ACAN: variants seen among roughly 807,000 people sequenced by gnomAD.
The protein encoded by ACAN is aggrecan.
In ACAN, 47 loss-of-function variants were observed where a neutral mutation model predicts 169.1. The observed-to-expected ratio is 0.28, with a 90% confidence interval of 0.22 to 0.35. The LOEUF is 0.35. Among genes scored for constraint, ACAN ranks in the 10% least tolerant of loss-of-function variants. The pLI, the probability that ACAN is intolerant of heterozygous loss-of-function variation, is 1.00. For synonymous variants in ACAN, 1,115 were observed against 1,112.2 expected (o/e 1.00, Z -0.05); for missense variants, 2,716 against 2,759.9 (o/e 0.98, Z 0.36).
Position 88,822,783 on chromosome 15 carries a change from C to T in ACAN, c.-7-13417C>T, listed in dbSNP as rs112784585. On this transcript the variant is annotated intron_variant, in intron 1 of 18. Transcript: ENST00000560601. ...TGAGGTCCTTCCCAGACCCTGGAAT[C>T]AGGGGTTGCAATTAGGGTCCAAATA... is the stretch of plus-strand genomic sequence containing the variant. Among the ~76,000 whole-genome samples the T allele has an allele frequency of 2.4e-3, 362 of 152,286 alleles. 2 individuals are homozygous for T. The highest frequency in any genetic ancestry group is 8.5e-3 in the African/African-American group (352 of 41,546).
At chr15:88,853,989 C>T (rs1416971602) in intron 11 of ACAN, among the ~76,000 whole-genome samples, 1 of 152,058 alleles carries the variant, frequency 6.6e-6, no homozygotes, top group African/African-American at 2.4e-5. Flanking sequence ...GAAGTAGGCC[C>T]CAAAGTACAT....
chr15:88,841,019 C>T (rs1351279939), intron 4 of ACAN, among the ~76,000 whole-genome samples: 1 of 152,178 alleles, frequency 6.6e-6, no homozygotes, highest in Non-Finnish European at 1.5e-5. Context: ...GTGGTGGGCT[C>T]CTGTAGTCCC....
Position 88,866,935 on chromosome 15 carries a change from G to A in ACAN, c.6947-1281G>A, listed in dbSNP as rs937292156. 6.6e-6 allele frequency among the ~76,000 whole-genome samples: 1 copy of A among 152,214 alleles called. No individual in the cohort carries two copies. Among genetic ancestry groups the A allele is most frequent in the Non-Finnish European group, 1.5e-5 (1 of 68,040 alleles). ...GGATCTGGAAGGCTGTGTGAACACA[G>A]CTGCACATACTGAGGCTCAGTATCT... On this transcript the variant is annotated intron_variant, in intron 13 of 18. Transcript: ENST00000560601. This position sits in a 1 kb window ranked among gnomAD's most constrained non-coding sequence, Gnocchi z 5.6.
chr15:88,841,966 A>G, intron 5 of ACAN, 99 bp downstream of exon 5: 2 of 1,506,910 alleles, frequency 1.3e-6, no homozygotes, highest in Non-Finnish European at 1.8e-6. Flanking sequence ...ACAGGCTGCC[A>G]GCTCAGGGCC....
intron 6 of ACAN, among the ~76,000 whole-genome samples, chr15:88,845,260 G>A (rs149311515): frequency 6.6e-6 from 1 of 152,304 alleles, no homozygotes; most frequent in East Asian, 1.9e-4. Flanking sequence ...TCAGCTCATT[G>A]GTCAATATCT....
chr15:88,860,380 C>T lies in ACAN; in HGVS notation c.6887C>T (p.Thr2296Ile), dbSNP rs531788785. The change falls in exon 13 of 19, where the codon ACA becomes ATA. Residue 2296 changes from threonine to isoleucine, a missense_variant. By Grantham distance (89) the Thr-to-Ile change is moderately conservative. Transcript: ENST00000560601. ...EPCGAGTCKETEGHVICLCPP... is the reference protein window; with the variant it reads ...EPCGAGTCKEIEGHVICLCPP... The stretch of plus-strand genomic sequence containing the variant: ...TGTGGAGCTGGGACCTGCAAGGAGA[C>T]AGAGGGACACGTCATATGCCTGTGC... 12 of 1,613,638 alleles carry T rather than the reference C, an allele frequency of 7.4e-6. No homozygotes were observed. In the Admixed American group the frequency reaches 1.5e-4, roughly 20 times the overall value.
In ACAN at chr15:88,818,427, T is replaced by A. The variant is rs566132929; in HGVS notation, c.-8+14618T>A. Among the ~76,000 whole-genome samples the A allele has an allele frequency of 4.4e-4, 67 of 152,318 alleles. No homozygotes were observed. In the South Asian group the frequency reaches 0.014, roughly 32 times the overall value. ...TAGTGAGAAATTCCGCAGGTTCTCC[T>A]CCTGGTAGGTGTGTGTCCTCAGTGA... On this transcript the variant is annotated intron_variant, in intron 1 of 18. Coordinates refer to ENST00000560601, the MANE Select transcript of ACAN (RefSeq NM_001369268.1).
At position 88,838,024 on chromosome 15, in the gene ACAN, G is replaced by A. The variant is rs914424841; in HGVS notation, c.71-639G>A. 2.6e-5 allele frequency among the ~76,000 whole-genome samples: 4 copies of A among 151,050 alleles called. No individual in the cohort carries two copies. The highest frequency in any genetic ancestry group is 4.4e-5 in the Non-Finnish European group (3 of 67,880). On this transcript the variant is annotated intron_variant, in intron 2 of 18. Coordinates refer to ENST00000560601, the MANE Select transcript of ACAN (RefSeq NM_001369268.1). This position sits in a 1 kb window ranked among gnomAD's most constrained non-coding sequence, Gnocchi z 5.1. The stretch of plus-strand genomic sequence containing the variant: ...ACTCTCCATTATATTAACATGTTTG[G>A]AGTCTGATCCTATCCCATCGCCTCT...
chr15:88,870,162 AC>A lies in ACAN; in HGVS notation c.7061-1215del, dbSNP rs1897348311. 6.6e-6 allele frequency among the ~76,000 whole-genome samples: 1 copy of A among 151,352 alleles called. No homozygotes were observed. Among genetic ancestry groups the A allele is most frequent in the African/African-American group, 2.4e-5 (1 of 41,140 alleles). Reference sequence around the variant, plus strand: ...TCTGTTCTTTCTTCTCAAGCTGCTGACCCCCTGTTCTGCTCTCCCTCCACTG... The same window carrying A: ...TCTGTTCTTTCTTCTCAAGCTGCTGACCCCTGTTCTGCTCTCCCTCCACTG... On this transcript the variant is annotated intron_variant, in intron 14 of 18. Coordinates refer to ENST00000560601, the MANE Select transcript of ACAN (RefSeq NM_001369268.1). The surrounding 1 kb of genome is among the most constrained non-coding windows in gnomAD (Gnocchi z 6.3).
chr15:88,837,407 A>G (rs1896531767), intron 2 of ACAN, among the ~76,000 whole-genome samples: 2 of 152,230 alleles, frequency 1.3e-5, no homozygotes, highest in Admixed American at 1.3e-4. Context: ...AAGATAGGAC[A>G]TAGAACTTAA....
At chr15:88,819,960 C>T (rs1002897910) in intron 1 of ACAN, among the ~76,000 whole-genome samples, 1 of 152,056 alleles carries the variant, frequency 6.6e-6, no homozygotes, top group Non-Finnish European at 1.5e-5. Flanking sequence ...AATTCTGGCT[C>T]TACCACTCAC....
intron 1 of ACAN, among the ~76,000 whole-genome samples, chr15:88,804,868 G>A (rs933747105): frequency 6.6e-6 from 1 of 152,200 alleles, no homozygotes; most frequent in African/African-American, 2.4e-5. Context: ...GCTGCCAGGA[G>A]GAAAATACAA....
At position 88,874,485 on chromosome 15, in the gene ACAN, G is replaced by T. The variant is rs1267114359; in HGVS notation, c.*4G>T. 8 of 1,596,062 alleles carry T rather than the reference G, an allele frequency of 5.0e-6. No homozygotes were observed. The highest frequency in any genetic ancestry group is 6.8e-6 in the Non-Finnish European group (8 of 1,171,770). On this transcript the variant is annotated 3_prime_UTR_variant, in exon 19 of 19. Coordinates refer to ENST00000560601, the MANE Select transcript of ACAN (RefSeq NM_001369268.1). This position sits in a 1 kb window ranked among gnomAD's most constrained non-coding sequence, Gnocchi z 7.3. ...CCGCCCCAGCACAGCCCACTGAGAA[G>T]AGCTTCCAGGACGCACCCAGGACGC...
chr15:88,859,391 A>G lies in ACAN; in HGVS notation c.6806A>G (p.Lys2269Arg). 1 of 1,563,476 alleles carries G rather than the reference A, an allele frequency of 6.4e-7. No homozygotes were observed. ...DASIPASPEW[K>R]RESESTAAAP... is the part of the protein sequence containing the mutation. ...TCCATCCCAGCTTCTCCGGAATGGAAACGTGAATCAGAATCAACTGCTGCA... is the reference window on the plus strand; with the variant it reads ...TCCATCCCAGCTTCTCCGGAATGGAGACGTGAATCAGAATCAACTGCTGCA... Residue 2269 changes from lysine to arginine, a missense_variant, in exon 12 of 19, where the codon AAA (lysine) becomes AGA (arginine). By Grantham distance (26) the Lys-to-Arg change is conservative. Transcript: ENST00000560601.
chr15:88,851,058 C>G lies in ACAN; in HGVS notation c.2027-736C>G, dbSNP rs1350996646. On this transcript the variant is annotated intron_variant, in intron 10 of 18. Transcript: ENST00000560601. The surrounding 1 kb of genome is among the most constrained non-coding windows in gnomAD (Gnocchi z 4.3). ...AGTGCCCCTTCCCTGCTCTGGGAAG[C>G]AGAAACCAAGCCAGTTAACCTCCCA... 1 of 152,176 alleles carries G rather than the reference C, an allele frequency of 6.6e-6. No individual in the cohort carries two copies. The highest frequency in any genetic ancestry group is 1.9e-4 in the East Asian group (1 of 5,194). 9.4% of individuals were successfully genotyped at this position (152,176 alleles called of 1,614,324 possible).
Position 88,874,290 on chromosome 15 carries a change from C to T in ACAN, c.7631-115C>T. On this transcript the variant is annotated intron_variant, in intron 18 of 18. Coordinates refer to ENST00000560601, the MANE Select transcript of ACAN (RefSeq NM_001369268.1). This position sits in a 1 kb window ranked among gnomAD's most constrained non-coding sequence, Gnocchi z 7.3. ...CAAATCAGGAAAGCCGATAAAGCCTCAGGCGCCTGAGTCCTGGTTTCCACA... is the reference window on the plus strand; with the variant it reads ...CAAATCAGGAAAGCCGATAAAGCCTTAGGCGCCTGAGTCCTGGTTTCCACA... The T allele has an allele frequency of 8.7e-7, 1 of 1,149,958 alleles. No individual in the cohort carries two copies. Among genetic ancestry groups the T allele is most frequent in the South Asian group, 1.3e-5 (1 of 74,946 alleles). 71.2% of individuals were successfully genotyped at this position (1,149,958 alleles called of 1,614,324 possible).
chr15:88,833,902 A>G (rs545469263), intron 1 of ACAN, among the ~76,000 whole-genome samples: 4 of 152,050 alleles, frequency 2.6e-5, no homozygotes, highest in South Asian at 2.1e-4. Flanking sequence ...CAACCTCCCA[A>G]TGAAGGGTGT....
chr15:88,855,307 G>A lies in ACAN; in HGVS notation c.2722G>A (p.Val908Met), dbSNP rs1897027002. ...GGACTCCAGTGGTCTTACTTCCACA[G>A]TGGGCTCAGGCCTGCCTGTGGAAAG... Reference protein sequence around the residue: ...DLDSSGLTSTVGSGLPVESGL... With the variant: ...DLDSSGLTSTMGSGLPVESGL... The change falls in exon 12 of 19, where the codon GTG (valine) becomes ATG (methionine). Residue 908 changes from valine to methionine, a missense_variant. Around this residue, in one of 3 missense-constraint regions of ACAN, gnomAD observed 1,283 missense variants for 1,281.5 expected, o/e 1.00. Transcript: ENST00000560601. 1.9e-6 allele frequency: 3 copies of A among 1,611,790 alleles called. No homozygotes were observed. The highest frequency in any genetic ancestry group is 4.5e-5 in the East Asian group (2 of 44,802).
At position 88,838,683 on chromosome 15, in the gene ACAN, G is replaced by A. The variant is rs1041254006; in HGVS notation, c.91G>A (p.Val31Ile). ...ETSDHDNSLS[V>I]SIPQPSPLRV... ...CACAGACCATGACAACTCGCTGAGTGTCAGCATCCCCCAACCGTCCCCGCT... is the reference window on the plus strand; with the variant it reads ...CACAGACCATGACAACTCGCTGAGTATCAGCATCCCCCAACCGTCCCCGCT... The change falls in exon 3 of 19, where the codon GTC becomes ATC. Residue 31 changes from valine to isoleucine, a missense_variant. This residue lies in a region of ACAN where 1,283 missense variants were observed against 1,281.5 expected (regional missense o/e 1.00). Coordinates refer to ENST00000560601, the MANE Select transcript of ACAN (RefSeq NM_001369268.1). This position sits in a 1 kb window ranked among gnomAD's most constrained non-coding sequence, Gnocchi z 5.1. 3 of 1,590,764 alleles carry A rather than the reference G, an allele frequency of 1.9e-6. No homozygotes were observed. Among genetic ancestry groups the A allele is most frequent in the African/African-American group, 1.3e-5 (1 of 74,760 alleles).
Sources: gnomAD v4.1 joint callset for allele counts (sites outside exome capture counted in the v4.1 genomes callset) on GRCh38, gnomAD v4.1.1 for gene constraint, gnomAD v4.1.1 regional missense constraint, Gnocchi (gnomAD v3.1) non-coding constraint, MANE v1.5 for transcripts, NCBI Gene and HGNC (gene_info 2026-07-23, HGNC 2026-07-21) for gene names.